THSD7A: variants seen among roughly 807,000 people sequenced by gnomAD.
The protein encoded by THSD7A is thrombospondin type 1 domain containing 7A.
In THSD7A, 96 loss-of-function variants were observed where a neutral mutation model predicts 231.3. The observed-to-expected ratio is 0.41, with a 90% CI of 0.35 to 0.49. The LOEUF is 0.49. Among genes scored for constraint, THSD7A ranks in the 20% least tolerant of loss-of-function variants. The pLI is 0.05. For missense variants in THSD7A, 2,290 were observed against 2,070.2 expected (o/e 1.11, Z -2.06); for synonymous variants, 940 against 743.3 (o/e 1.26, Z -4.30).
intron 6 of THSD7A, among the ~76,000 whole-genome samples, chr7:11,526,238 T>C (rs1157068372): frequency 6.6e-6 from 1 of 152,198 alleles, no homozygotes; most frequent in African/African-American, 2.4e-5. Context: ...GCCCAACTAT[T>C]TGCAGCTTCC....
intron 6 of THSD7A, among the ~76,000 whole-genome samples, chr7:11,523,697 T>A (rs957079357): frequency 2.6e-5 from 4 of 151,986 alleles, no homozygotes; most frequent in African/African-American, 9.7e-5. Flanking sequence ...ACAGAAGAAT[T>A]CACAGGAATA....
chr7:11,740,633 A>T (rs1329108437), intron 1 of THSD7A, among the ~76,000 whole-genome samples: 1 of 151,888 alleles, frequency 6.6e-6, no homozygotes, highest in Admixed American at 6.6e-5. Flanking sequence ...CCCTTGGGTC[A>T]TTCTGGTCTT....
At chr7:11,391,787 G>A (rs560175880) in intron 23 of THSD7A, among the ~76,000 whole-genome samples, 1 of 151,160 alleles carries the variant, frequency 6.6e-6, no homozygotes, top group African/African-American at 2.4e-5. Context: ...TGCAAAGACT[G>A]CGATGTATCT....
intron 7 of THSD7A, 71 bp downstream of exon 7, chr7:11,481,717 C>T: frequency 7.1e-7 from 1 of 1,414,778 alleles, no homozygotes; most frequent in Non-Finnish European, 9.5e-7. Context: ...TCATCTTTTC[C>T]AGGCTACACA....
chr7:11,475,918 CA>C (rs1786151463), intron 7 of THSD7A, among the ~76,000 whole-genome samples: 1 of 111,082 alleles, frequency 9.0e-6, no homozygotes, highest in Non-Finnish European at 1.9e-5. Context: ...TTGAACTTAA[CA>C]AAAATAAATA....
At chr7:11,744,251 C>T (rs781082573) in intron 1 of THSD7A, among the ~76,000 whole-genome samples, 29 of 151,772 alleles carry the variant, frequency 1.9e-4, no homozygotes, top group Non-Finnish European at 4.0e-4. Context: ...TCAAACCCTA[C>T]ATTTCTCCTG....
In THSD7A at chr7:11,474,369, A is replaced by G; in HGVS notation, c.2217T>C (p.Cys739=). The G allele has an allele frequency of 1.2e-6, 2 of 1,613,396 alleles. No homozygotes were observed. The highest frequency in any genetic ancestry group is 1.7e-6 in the Non-Finnish European group (2 of 1,179,522). ...CCACTTGGCCCACATTGACTCGCAC[A>G]CAGATGACTTTTCTTGTCTGCATGC... ...SVGMQTRKVI[C]VRVNVGQVGP... Residue 739 remains cysteine (C), a synonymous_variant, in exon 8 of 28, where the codon TGT becomes TGC. Coordinates refer to ENST00000423059, the MANE Select transcript of THSD7A (RefSeq NM_015204.3). This position sits in a 1 kb window ranked among gnomAD's most constrained non-coding sequence, Gnocchi z 4.1.
intron 1 of THSD7A, among the ~76,000 whole-genome samples, chr7:11,668,438 A>G (rs1265317204): frequency 6.7e-6 from 1 of 149,622 alleles, no homozygotes. Context: ...AAGAAAGAAA[A>G]GAAAGAAAGA....
rs544294200 is a variant in THSD7A, at chr7:11,740,840, T to C, written c.190+90917A>G. Among the ~76,000 whole-genome samples the C allele has an allele frequency of 2.6e-5, 4 of 152,028 alleles. No homozygotes were observed. In the South Asian group the frequency reaches 6.2e-4, roughly 24 times the overall value. On this transcript the variant is annotated intron_variant, in intron 1 of 27. Transcript: ENST00000423059. ...CACAAACTACATCACTTCTGGAAAT[T>C]TACTTGTCTTGTTCCATAGCATATT...
At chr7:11,767,758 T>A (rs1783075074) in intron 1 of THSD7A, among the ~76,000 whole-genome samples, 1 of 152,094 alleles carries the variant, frequency 6.6e-6, no homozygotes, top group African/African-American at 2.4e-5. Context: ...AAAGAACACC[T>A]CTCCTTGTAG....
chr7:11,829,217 G>A (rs1241665583), intron 1 of THSD7A, among the ~76,000 whole-genome samples: 1 of 152,002 alleles, frequency 6.6e-6, no homozygotes, highest in Non-Finnish European at 1.5e-5. Context: ...GTGCATGTAG[G>A]TCAGGACCCC....
chr7:11,497,711 C>G (rs1346444763), intron 6 of THSD7A, among the ~76,000 whole-genome samples: 1 of 152,122 alleles, frequency 6.6e-6, no homozygotes, highest in African/African-American at 2.4e-5. Flanking sequence ...CTGTGGCTCT[C>G]AGGGAGAGGA....
At chr7:11,402,106 T>A (rs1406350694) in intron 22 of THSD7A, 138 bp from the exon 23 acceptor site, 1 of 675,432 alleles carries the variant, frequency 1.5e-6, no homozygotes, top group African/African-American at 1.8e-5. Context: ...TAAATAAGCA[T>A]TTAATATTTG....
At chr7:11,615,278 C>T (rs1781067647) in intron 2 of THSD7A, among the ~76,000 whole-genome samples, 1 of 152,300 alleles carries the variant, frequency 6.6e-6, no homozygotes, top group East Asian at 1.9e-4. Context: ...CATGGCTATT[C>T]TTCACCAGAT....
At chr7:11,680,669 T>A (rs1486275953) in intron 1 of THSD7A, among the ~76,000 whole-genome samples, 1 of 152,120 alleles carries the variant, frequency 6.6e-6, no homozygotes, top group Non-Finnish European at 1.5e-5. Context: ...TCACAGCAGT[T>A]AGAATAGCGA....
intron 1 of THSD7A, among the ~76,000 whole-genome samples, chr7:11,675,483 G>A (rs543875053): frequency 6.6e-5 from 10 of 152,256 alleles, no homozygotes; most frequent in African/African-American, 2.4e-4. Context: ...GGATCCCACC[G>A]CCATGGAGCC....
At chr7:11,402,642 C>T (rs1783445973) in intron 22 of THSD7A, among the ~76,000 whole-genome samples, 1 of 152,202 alleles carries the variant, frequency 6.6e-6, no homozygotes, top group Non-Finnish European at 1.5e-5. Context: ...ATTATATAAC[C>T]ATGTGATCAA....
chr7:11,649,074 T>C (rs1782395693), intron 1 of THSD7A, among the ~76,000 whole-genome samples: 1 of 152,040 alleles, frequency 6.6e-6, no homozygotes, highest in African/African-American at 2.4e-5. Flanking sequence ...AAAATATTTG[T>C]GTATAACTTA....
chr7:11,750,633 G>A (rs146315807), intron 1 of THSD7A, among the ~76,000 whole-genome samples: 8 of 152,006 alleles, frequency 5.3e-5, no homozygotes, highest in African/African-American at 1.4e-4. Context: ...CTGACGTGGC[G>A]CAGGTTGTCT....
Sources: allele counts gnomAD v4.1 joint callset (sites outside exome capture counted in the v4.1 genomes callset), GRCh38; gene constraint gnomAD v4.1.1; non-coding constraint Gnocchi (gnomAD v3.1); transcripts MANE v1.5; gene names NCBI Gene and HGNC (gene_info 2026-07-23, HGNC 2026-07-21).